HSPA12A: variants seen among roughly 807,000 people sequenced by gnomAD.
HSPA12A encodes the protein heat shock 70 kDa protein 12A.
A neutral mutation model predicts 69.2 loss-of-function variants in HSPA12A; 28 were observed. That is an observed-to-expected ratio of 0.40 (90% confidence interval 0.30 to 0.55). The LOEUF (loss-of-function observed/expected upper bound fraction) is 0.55, where lower values mean the gene tolerates loss of function less well. Among genes scored for constraint, HSPA12A ranks in the 20% least tolerant of loss-of-function variants. The pLI, the probability that HSPA12A is intolerant of heterozygous loss-of-function variation, is 0.38. For missense variants in HSPA12A, 686 were observed against 900.7 expected (o/e 0.76, Z 3.05); for synonymous variants, 345 against 370.5 (o/e 0.93, Z 0.79).
intron 2 of HSPA12A, 140 bp from the exon 3 acceptor site, chr10:116,705,418 C>T (rs1850213480): frequency 1.9e-6 from 2 of 1,061,452 alleles, no homozygotes; most frequent in African/African-American, 3.1e-5. Context: ...TCAAGTCTAC[C>T]ACCTGGGGAG....
At chr10:116,717,196 C>T (rs1294429109) in intron 1 of HSPA12A, among the ~76,000 whole-genome samples, 1 of 152,162 alleles carries the variant, frequency 6.6e-6, no homozygotes, top group African/African-American at 2.4e-5. Flanking sequence ...AAGAAGCCCG[C>T]ATCCTTAGTC....
rs543970088 is a variant in HSPA12A at position 116,730,596 on chromosome 10, C to A, written c.40+11834G>T. On this transcript the variant is annotated intron_variant, in intron 1 of 11. Transcript: ENST00000369209. ...TTATTCTAAAGCCCACTCTGTCTTA[C>A]TGCCCACAAAGGAGGCCTGGGGTCC... Among the ~76,000 whole-genome samples the A allele has an allele frequency of 2.6e-5, 4 of 152,384 alleles. No individual in the cohort carries two copies. In the South Asian group the frequency reaches 8.3e-4, roughly 32 times the overall value.
chr10:116,745,558 A>G (rs1655075592), upstream of HSPA12A, among the ~76,000 whole-genome samples: 1 of 152,146 alleles, frequency 6.6e-6, no homozygotes, highest in African/African-American at 2.4e-5. Flanking sequence ...AAGTCCTAAA[A>G]AGTGGCCCAG....
chr10:116,834,814 C>A (rs1173709970), intron 2 of HSPA12A: 1 of 431,288 alleles, frequency 2.3e-6, no homozygotes, highest in South Asian at 1.2e-4. Flanking sequence ...ACATCTTACA[C>A]GTGCAGAAGT....
chr10:116,768,661 C>G (rs1844132849), intron 2 of HSPA12A, among the ~76,000 whole-genome samples: 1 of 152,074 alleles, frequency 6.6e-6, no homozygotes, highest in African/African-American at 2.4e-5. Context: ...CTACAGGAGC[C>G]TGGCTAATTC....
intron 2 of HSPA12A, among the ~76,000 whole-genome samples, chr10:116,801,844 G>C (rs1844963758): frequency 6.6e-6 from 1 of 152,112 alleles, no homozygotes; most frequent in Non-Finnish European, 1.5e-5. Flanking sequence ...TTGTCCTGTG[G>C]TTAGGTGGGA....
At chr10:116,811,596 A>G (rs1170029520) in intron 2 of HSPA12A, among the ~76,000 whole-genome samples, 1 of 151,712 alleles carries the variant, frequency 6.6e-6, no homozygotes, top group African/African-American at 2.4e-5. Flanking sequence ...AAAAAAAAAA[A>G]AAAAAAAAAG....
At chr10:116,685,628 T>TC (rs1252241635) in intron 6 of HSPA12A, among the ~76,000 whole-genome samples, 2 of 140,212 alleles carry the variant, frequency 1.4e-5, no homozygotes, top group Non-Finnish European at 3.1e-5. Flanking sequence ...AGAGTGAAAC[T>TC]CCATCTCAAG....
At chr10:116,737,111 A>G (rs1200649053) in intron 1 of HSPA12A, among the ~76,000 whole-genome samples, 2 of 152,200 alleles carry the variant, frequency 1.3e-5, no homozygotes, top group Non-Finnish European at 2.9e-5. Context: ...TACAGATGAG[A>G]AAAACTGAGG....
chr10:116,776,713 G>A (rs1360601553), intron 2 of HSPA12A, among the ~76,000 whole-genome samples: 1 of 152,140 alleles, frequency 6.6e-6, no homozygotes, highest in African/African-American at 2.4e-5. Context: ...AAAAATACAT[G>A]AGTTTTATTT....
chr10:116,780,472 C>T (rs961812226), intron 2 of HSPA12A, among the ~76,000 whole-genome samples: 7 of 152,090 alleles, frequency 4.6e-5, no homozygotes, highest in African/African-American at 1.4e-4. Flanking sequence ...CCACCTCAGC[C>T]TCCTGAGTGG....
intron 2 of HSPA12A, among the ~76,000 whole-genome samples, chr10:116,803,756 T>A (rs557355424): frequency 4.6e-5 from 7 of 152,242 alleles, no homozygotes; most frequent in Non-Finnish European, 1.0e-4. Context: ...CAAAGGGATG[T>A]GAGCTTGACG....
intron 1 of HSPA12A, among the ~76,000 whole-genome samples, chr10:116,715,054 G>A (rs1369222354): frequency 1.3e-5 from 2 of 152,192 alleles, no homozygotes; most frequent in African/African-American, 4.8e-5. Flanking sequence ...AGAGAGACAG[G>A]TTTCTCCTAA....
intron 5 of HSPA12A, among the ~76,000 whole-genome samples, chr10:116,696,476 G>A (rs978698912): frequency 6.6e-6 from 1 of 152,126 alleles, no homozygotes; most frequent in Non-Finnish European, 1.5e-5. Context: ...CATGTAAGAC[G>A]TTCCTTTATT....
chr10:116,812,232 C>T (rs1445710464), intron 2 of HSPA12A, among the ~76,000 whole-genome samples: 1 of 152,072 alleles, frequency 6.6e-6, no homozygotes, highest in Non-Finnish European at 1.5e-5. Flanking sequence ...GCAGGCAGAT[C>T]ACCTGAGGTC....
At chr10:116,782,994 C>T (rs760021296) in intron 2 of HSPA12A, among the ~76,000 whole-genome samples, 21 of 152,240 alleles carry the variant, frequency 1.4e-4, no homozygotes, top group Non-Finnish European at 2.5e-4. Flanking sequence ...GGCCCCAAGG[C>T]GAAAGAAGGG....
intron 2 of HSPA12A, among the ~76,000 whole-genome samples, chr10:116,767,837 G>T (rs1844113613): frequency 1.3e-5 from 2 of 152,172 alleles, no homozygotes; most frequent in African/African-American, 4.8e-5. Flanking sequence ...TCGGCACTAT[G>T]TTCCCTAATT....
At chr10:116,727,798 C>T (rs1365018463) in intron 1 of HSPA12A, among the ~76,000 whole-genome samples, 1 of 137,768 alleles carries the variant, frequency 7.3e-6, no homozygotes, top group East Asian at 2.1e-4. Context: ...TACTATGTCA[C>T]CCAGGCTGGG....
intron 7 of HSPA12A, 23 bp from the exon 8 acceptor site, chr10:116,681,900 T>C (rs1554878681): frequency 1.2e-6 from 2 of 1,606,110 alleles, no homozygotes; most frequent in Non-Finnish European, 8.5e-7. Context: ...AGAAAGAAAA[T>C]GATGACGGGT....
Sources: gnomAD v4.1 joint callset for allele counts (sites outside exome capture counted in the v4.1 genomes callset) on GRCh38, gnomAD v4.1.1 for gene constraint, MANE v1.5 for transcripts, NCBI Gene and HGNC (gene_info 2026-07-23, HGNC 2026-07-21) for gene names.